Variants in ATP6V0A4 observed in about 807,000 individuals in gnomAD.
The protein encoded by ATP6V0A4 is ATPase H+ transporting V0 subunit a4.
Under a neutral mutation model 107.3 loss-of-function variants are expected in ATP6V0A4, and 86 were observed. The observed-to-expected ratio is 0.80, with a 90% confidence interval of 0.67 to 0.96. ATP6V0A4 has a LOEUF of 0.96. Among genes scored for constraint, ATP6V0A4 ranks in the 40% least tolerant of loss-of-function variants. The pLI is 0.00. For synonymous variants in ATP6V0A4, 353 were observed against 381.4 expected (o/e 0.93, Z 0.87); for missense variants, 908 against 1,045.6 (o/e 0.87, Z 1.81).
chr7:138,784,806 C>T (rs1226606176), intron 2 of ATP6V0A4, among the ~76,000 whole-genome samples: 2 of 152,160 alleles, frequency 1.3e-5, no homozygotes, highest in African/African-American at 2.4e-5. Flanking sequence ...TTAGACAAGT[C>T]TGGGGCACAC....
Position 138,734,128 on chromosome 7 carries a change from A to C in ATP6V0A4, c.1691+8T>G. 6.2e-7 allele frequency: 1 copy of C among 1,607,558 alleles called. No homozygotes were observed. The highest frequency in any genetic ancestry group is 8.5e-7 in the Non-Finnish European group (1 of 1,174,250). On this transcript the variant is annotated splice_region_variant and intron_variant, in intron 16 of 21. Transcript: ENST00000310018. ...CAGAGCAGGCAGAGAGTGCATCAAG[A>C]AACTTACATGTGATTGAAAAGGCTG...
At position 138,734,273 on chromosome 7, in the gene ATP6V0A4, A is replaced by G. The variant is rs764402160; in HGVS notation, c.1573-19T>C. ...TCCAAATCTGGATGGGAAATGGGACAAAAAACCAAGTGAGAGAGAGTCTTA... is the reference window on the plus strand; with the variant it reads ...TCCAAATCTGGATGGGAAATGGGACGAAAAACCAAGTGAGAGAGAGTCTTA... On this transcript the variant is annotated intron_variant, in intron 15 of 21. Transcript: ENST00000310018. 8.7e-6 allele frequency: 14 copies of G among 1,612,378 alleles called. No individual in the cohort carries two copies. The highest frequency in any genetic ancestry group is 1.0e-5 in the Non-Finnish European group (12 of 1,179,040).
At chr7:138,769,312 CTT>C (rs540481545) in intron 3 of ATP6V0A4, 61 bp from the exon 4 acceptor site, 21,531 of 1,273,890 alleles carry the variant, frequency 0.017, no homozygotes, top group East Asian at 0.036. Context: ...AGATTTCTTT[CTT>C]TTTTTTTTTT....
intron 2 of ATP6V0A4, among the ~76,000 whole-genome samples, chr7:138,783,391 C>T (rs1177244399): frequency 6.6e-6 from 1 of 151,844 alleles, no homozygotes; most frequent in African/African-American, 2.4e-5. Context: ...GGCAACATAG[C>T]AAGACCCTGT....
chr7:138,735,856 A>G (rs1164997417), intron 15 of ATP6V0A4, among the ~76,000 whole-genome samples: 1 of 26,142 alleles, frequency 3.8e-5, no homozygotes, highest in Non-Finnish European at 6.7e-5. Context: ...TAATCCTACC[A>G]TTTTGGGAGG....
chr7:138,747,613 G>GC (rs1326343498), intron 12 of ATP6V0A4, 49 bp from the exon 13 acceptor site: 1 of 1,604,206 alleles, frequency 6.2e-7, no homozygotes, highest in Non-Finnish European at 8.5e-7. Flanking sequence ...CAGCCTCGGG[G>GC]CCCCCACCTC....
chr7:138,738,047 C>A (rs1805437038), intron 15 of ATP6V0A4, among the ~76,000 whole-genome samples: 2 of 151,806 alleles, frequency 1.3e-5, no homozygotes. Context: ...CAGGCATGAG[C>A]CACCACATCT....
intron 1 of ATP6V0A4, among the ~76,000 whole-genome samples, chr7:138,789,217 G>T (rs12707398): frequency 0.25 from 18,832 of 75,276 alleles, 1,497 homozygotes; most frequent in African/African-American, 0.38. Flanking sequence ...AAGGTTTTTT[G>T]GGGGGTTTTT....
chr7:138,726,680 C>T (rs3800569), intron 18 of ATP6V0A4, among the ~76,000 whole-genome samples: 118,596 of 152,132 alleles, frequency 0.78, 46,439 homozygotes, highest in African/African-American at 0.85. Flanking sequence ...ATCTCTTGAA[C>T]GGAGGTGGTA....
intron 5 of ATP6V0A4, 64 bp downstream of exon 5, chr7:138,768,716 C>T: frequency 8.2e-6 from 13 of 1,587,526 alleles, no homozygotes; most frequent in Non-Finnish European, 9.5e-6. Context: ...GCTCTCAGGG[C>T]CTTCAAGGAG....
intron 15 of ATP6V0A4, among the ~76,000 whole-genome samples, chr7:138,738,979 C>T (rs1229437262): frequency 6.6e-6 from 1 of 152,182 alleles, no homozygotes. Context: ...TGTTGTATCT[C>T]CTCAAAACCG....
chr7:138,745,019 T>C (rs1805839689), intron 14 of ATP6V0A4, 104 bp downstream of exon 14: 1 of 1,075,368 alleles, frequency 9.3e-7, no homozygotes, highest in East Asian at 2.4e-5. Flanking sequence ...AATTTTCAAG[T>C]GCACCTCTGA....
chr7:138,718,644 GC>G (rs1211711344), intron 19 of ATP6V0A4, among the ~76,000 whole-genome samples: 1 of 105,114 alleles, frequency 9.5e-6, no homozygotes, highest in Non-Finnish European at 1.9e-5. Context: ...ACGGATGTCT[GC>G]GGAGGGAGAC....
chr7:138,790,580 C>G (rs1424861118), intron 1 of ATP6V0A4, among the ~76,000 whole-genome samples: 1 of 152,166 alleles, frequency 6.6e-6, no homozygotes, highest in East Asian at 1.9e-4. Context: ...TAGGTGTGAG[C>G]CACCATACCC....
At chr7:138,757,765 A>G (rs1398069076) in intron 8 of ATP6V0A4, among the ~76,000 whole-genome samples, 1 of 152,216 alleles carries the variant, frequency 6.6e-6, no homozygotes, top group Non-Finnish European at 1.5e-5. Context: ...GATGCTCATC[A>G]TGGTGTCTAC....
intron 15 of ATP6V0A4, among the ~76,000 whole-genome samples, chr7:138,738,519 G>A (rs1221155770): frequency 3.3e-5 from 5 of 152,158 alleles, no homozygotes; most frequent in Admixed American, 1.3e-4. Flanking sequence ...CAAGGACAAC[G>A]TCTTGCAGGC....
Position 138,733,035 on chromosome 7 carries a change from G to C in ATP6V0A4, c.1750C>G (p.Leu584Val), listed in dbSNP as rs1805104748. 6.2e-7 allele frequency: 1 copy of C among 1,614,048 alleles called. No individual in the cohort carries two copies. The highest frequency in any genetic ancestry group is 1.1e-5 in the South Asian group (1 of 91,082). The change falls in exon 17 of 22, where the codon CTG becomes GTG. Residue 584 changes from leucine to valine, a missense_variant. Transcript: ENST00000310018. Reference sequence around the variant, plus strand: ...AAAACCAGGTATCCAAACAGACACAGGATAAAAATCATCTCAGGGATAAAT... The same window carrying C: ...AAAACCAGGTATCCAAACAGACACACGATAAAAATCATCTCAGGGATAAAT... ...LQFIPEMIFI[L>V]CLFGYLVFMI...
chr7:138,749,324 A>G lies in ATP6V0A4; in HGVS notation c.1030-7T>C. On this transcript the variant is annotated splice_polypyrimidine_tract_variant and splice_region_variant and intron_variant, in intron 11 of 21. Coordinates refer to ENST00000310018, the MANE Select transcript of ATP6V0A4 (RefSeq NM_020632.3). ...TGGAGGAGCCACTTAGTTCCTGGAA[A>G]AAAAAAAAAAAGCGACAAAGATGTA... 8 of 1,372,098 alleles carry G rather than the reference A, an allele frequency of 5.8e-6. No homozygotes were observed. The highest frequency in any genetic ancestry group is 7.0e-6 in the Non-Finnish European group (7 of 1,006,306). The allele number at this position is 1,372,098 out of a possible 1,614,324, so 85.0% of individuals were successfully genotyped here.
chr7:138,725,347 A>G (rs577369856), intron 18 of ATP6V0A4, among the ~76,000 whole-genome samples: 1 of 152,316 alleles, frequency 6.6e-6, no homozygotes, highest in South Asian at 2.1e-4. Context: ...CACCATTTGT[A>G]ATTACTAACA....
Sources: allele counts gnomAD v4.1 joint callset (sites outside exome capture counted in the v4.1 genomes callset), GRCh38; gene constraint gnomAD v4.1.1; transcripts MANE v1.5; gene names NCBI Gene and HGNC (gene_info 2026-07-23, HGNC 2026-07-21).